Variants in TMEM131 observed in about 807,000 individuals in gnomAD.
TMEM131 encodes the protein 2610524E03Rik.
In TMEM131, 66 loss-of-function variants were observed where a neutral mutation model predicts 211.6. The ratio of observed to expected loss-of-function variants is 0.31; its 90% confidence interval spans 0.26 to 0.38. The LOEUF (loss-of-function observed/expected upper bound fraction) is 0.38, where lower values mean the gene tolerates loss of function less well. Ranked by LOEUF, TMEM131 falls within the 10% of genes least tolerant of loss-of-function variation. The pLI is 1.00. For synonymous variants in TMEM131, 844 were observed against 841.3 expected (o/e 1.00, Z -0.06); for missense variants, 2,036 against 2,299.3 (o/e 0.89, Z 2.34).
chr2:97,760,538 A>C, intron 38 of TMEM131, 55 bp downstream of exon 38: 3 of 1,519,364 alleles, frequency 2.0e-6, no homozygotes, highest in African/African-American at 2.8e-5. Context: ...AAAAGGTGCT[A>C]ACCCGACTTG....
intron 22 of TMEM131, among the ~76,000 whole-genome samples, chr2:97,803,029 G>A (rs2309318): frequency 0.022 from 3,344 of 152,286 alleles, 136 homozygotes; most frequent in African/African-American, 0.077. Context: ...TAGAAAGGAT[G>A]ATAAATCTTA....
chr2:97,864,931 G>A (rs1336280557), intron 4 of TMEM131, among the ~76,000 whole-genome samples: 1 of 152,194 alleles, frequency 6.6e-6, no homozygotes, highest in Non-Finnish European at 1.5e-5. Context: ...CCCTTGAAAT[G>A]CTCTCCTCTA....
At chr2:97,897,549 A>T (rs1675665030) in intron 3 of TMEM131, among the ~76,000 whole-genome samples, 1 of 152,170 alleles carries the variant, frequency 6.6e-6, no homozygotes, top group Admixed American at 6.6e-5. Context: ...TTAACAAGAA[A>T]AATTATATTG....
chr2:97,932,254 T>A (rs943064766), intron 1 of TMEM131, among the ~76,000 whole-genome samples: 3 of 152,128 alleles, frequency 2.0e-5, no homozygotes, highest in Admixed American at 2.0e-4. Flanking sequence ...AAGGGCTCAA[T>A]AGCAATTTTA....
At chr2:97,869,692 G>A (rs1171479755) in intron 4 of TMEM131, among the ~76,000 whole-genome samples, 1 of 152,180 alleles carries the variant, frequency 6.6e-6, no homozygotes, top group African/African-American at 2.4e-5. Flanking sequence ...ATAGGTCTGT[G>A]AACAGCTTGC....
chr2:97,983,217 A>G (rs1230498188), intron 1 of TMEM131, among the ~76,000 whole-genome samples: 1 of 152,150 alleles, frequency 6.6e-6, no homozygotes, highest in Admixed American at 6.5e-5. Context: ...GCCTTCGTTC[A>G]GTCTCATAAT....
intron 4 of TMEM131, among the ~76,000 whole-genome samples, chr2:97,883,144 C>T (rs954458331): frequency 2.0e-5 from 3 of 152,032 alleles, no homozygotes; most frequent in Admixed American, 2.0e-4. Flanking sequence ...ATTAGGTCTG[C>T]GCTCCTGACC....
At chr2:97,926,592 C>T (rs945957334) in intron 2 of TMEM131, among the ~76,000 whole-genome samples, 1 of 151,878 alleles carries the variant, frequency 6.6e-6, no homozygotes, top group Non-Finnish European at 1.5e-5. Flanking sequence ...TACTACTTGC[C>T]CTCAACATTT....
chr2:97,759,868 T>TTAAA, intron 38 of TMEM131, 119 bp from the exon 39 acceptor site: 3 of 726,038 alleles, frequency 4.1e-6, no homozygotes, highest in Non-Finnish European at 4.8e-6. Context: ...TACTCAAATA[T>TTAAA]TAAAAACAGA....
At chr2:97,787,802 C>T (rs1464796111) in intron 31 of TMEM131, among the ~76,000 whole-genome samples, 1 of 152,176 alleles carries the variant, frequency 6.6e-6, no homozygotes, top group Non-Finnish European at 1.5e-5. Flanking sequence ...GTGGACCTCA[C>T]CTCTAGCTCA....
chr2:97,958,269 C>T (rs72944825), intron 1 of TMEM131, among the ~76,000 whole-genome samples: 3,744 of 152,148 alleles, frequency 0.025, 164 homozygotes, highest in African/African-American at 0.086. Flanking sequence ...AGTAATTTGC[C>T]CAAGGTCAAA....
At chr2:97,789,038 T>C (rs1680376629) in intron 31 of TMEM131, among the ~76,000 whole-genome samples, 1 of 152,232 alleles carries the variant, frequency 6.6e-6, no homozygotes, top group Non-Finnish European at 1.5e-5. Context: ...CACTAGTTAG[T>C]GGCCACTACT....
Position 97,793,505 on chromosome 2 carries a change from T to C in TMEM131, c.3435A>G (p.Gly1145=), listed in dbSNP as rs1052161371. Residue 1145 remains glycine, a synonymous_variant, in exon 30 of 41, where the codon GGA becomes GGG. Coordinates refer to ENST00000186436, the MANE Select transcript of TMEM131 (RefSeq NM_015348.2). The part of the protein sequence containing the change: ...VIGTAYLEAQ[G]IWEPFRRRLS... ...GCCGCCTTCGAAATGGCTCCCATAT[T>C]CCTTGAGCTTCCAAATAGGCTGTTC... 5.6e-6 allele frequency: 9 copies of C among 1,613,784 alleles called. No homozygotes were observed. Among genetic ancestry groups the C allele is most frequent in the Non-Finnish European group, 6.8e-6 (8 of 1,179,852 alleles).
intron 29 of TMEM131, 79 bp from the exon 30 acceptor site, chr2:97,793,632 G>T: frequency 7.2e-7 from 1 of 1,380,482 alleles, no homozygotes; most frequent in Non-Finnish European, 9.9e-7. Context: ...TAAAGGCAGA[G>T]TTTCTTGGTA....
intron 4 of TMEM131, among the ~76,000 whole-genome samples, chr2:97,885,371 T>G (rs1234826786): frequency 6.6e-6 from 1 of 151,684 alleles, no homozygotes; most frequent in South Asian, 2.1e-4. Flanking sequence ...TTTTTTTGTA[T>G]TTTTAGTAGA....
At chr2:97,995,329 C>T in intron 1 of TMEM131, 147 bp downstream of exon 1, 1 of 728,012 alleles carries the variant, frequency 1.4e-6, no homozygotes, top group Non-Finnish European at 1.9e-6. Context: ...CGGCGGGCGC[C>T]GCGAGGTCCC....
intron 1 of TMEM131, among the ~76,000 whole-genome samples, chr2:97,946,001 G>GT (rs1678019511): frequency 6.6e-6 from 1 of 152,044 alleles, no homozygotes; most frequent in African/African-American, 2.4e-5. Flanking sequence ...GACTACAGTG[G>GT]TATTATAGCC....
chr2:97,788,580 A>T (rs1414427785), intron 31 of TMEM131, among the ~76,000 whole-genome samples: 1 of 151,848 alleles, frequency 6.6e-6, no homozygotes, highest in Non-Finnish European at 1.5e-5. Context: ...GTCTCGGCCC[A>T]CTCCACCACC....
chr2:97,814,522 TA>T, intron 13 of TMEM131, 134 bp from the exon 14 acceptor site: 1 of 911,622 alleles, frequency 1.1e-6, no homozygotes, highest in Non-Finnish European at 1.5e-6. Flanking sequence ...AGAACTATAA[TA>T]TTTTAGTGAT....
Sources: allele counts gnomAD v4.1 joint callset (sites outside exome capture counted in the v4.1 genomes callset), GRCh38; gene constraint gnomAD v4.1.1; transcripts MANE v1.5; gene names NCBI Gene and HGNC (gene_info 2026-07-23, HGNC 2026-07-21).